Variants in DGKI observed in about 807,000 individuals in gnomAD.
DGKI encodes the protein DAG kinase iota.
DGKI carries 55 observed loss-of-function variants against 147.5 expected under a neutral mutation model. That is an observed-to-expected ratio of 0.37 (90% CI 0.30 to 0.47). DGKI has a LOEUF of 0.47. DGKI is among the 20% of genes least tolerant of loss of function. DGKI has a pLI of 1.00. For synonymous variants in DGKI, 469 were observed against 477.1 expected, an observed-to-expected ratio of 0.98 and a Z score of 0.22; for missense variants, 1,007 against 1,323.8, an observed-to-expected ratio of 0.76 and a Z score of 3.71.
intron 21 of DGKI, among the ~76,000 whole-genome samples, chr7:137,510,110 G>A (rs1816530073): frequency 6.6e-6 from 1 of 152,178 alleles, no homozygotes; most frequent in South Asian, 2.1e-4. Context: ...GAGCAAGTAT[G>A]GGCAGAAGGC....
intron 13 of DGKI, 63 bp downstream of exon 13, chr7:137,587,034 C>A (rs1282678616): frequency 2.5e-6 from 3 of 1,201,428 alleles, no homozygotes; most frequent in Non-Finnish European, 3.4e-6. Context: ...ATTAGAACAT[C>A]AGTGGATCTG....
chr7:137,469,208 T>C (rs1360154400), intron 24 of DGKI, among the ~76,000 whole-genome samples: 2 of 152,190 alleles, frequency 1.3e-5, no homozygotes, highest in African/African-American at 4.8e-5. Flanking sequence ...AGAAATTATA[T>C]CCATCCTATG....
At chr7:137,595,879 G>A (rs1352718474) in intron 12 of DGKI, among the ~76,000 whole-genome samples, 1 of 151,682 alleles carries the variant, frequency 6.6e-6, no homozygotes, top group Non-Finnish European at 1.5e-5. Flanking sequence ...GCACGTGCCT[G>A]TAGTCCCAAC....
chr7:137,643,812 TTTA>T (rs1209913890), intron 6 of DGKI, among the ~76,000 whole-genome samples: 2 of 152,230 alleles, frequency 1.3e-5, no homozygotes, highest in Non-Finnish European at 2.9e-5. Flanking sequence ...GTATAAAATG[TTTA>T]TTGATTTTCT....
At chr7:137,611,392 C>T (rs1337442020) in intron 8 of DGKI, among the ~76,000 whole-genome samples, 2 of 152,116 alleles carry the variant, frequency 1.3e-5, no homozygotes, top group Non-Finnish European at 2.9e-5. Context: ...TGGGGTAAAG[C>T]CCAGGCAAGG....
At chr7:137,549,075 C>T (rs568600012) in intron 20 of DGKI, among the ~76,000 whole-genome samples, 1 of 152,080 alleles carries the variant, frequency 6.6e-6, no homozygotes, top group East Asian at 1.9e-4. Context: ...CTGAGGGAAC[C>T]CCAGAGGCCA....
At chr7:137,594,928 G>A (rs1287438132) in intron 12 of DGKI, among the ~76,000 whole-genome samples, 1 of 152,166 alleles carries the variant, frequency 6.6e-6, no homozygotes, top group Non-Finnish European at 1.5e-5. Flanking sequence ...AACTACAGAT[G>A]TTACCACTGA....
intron 6 of DGKI, among the ~76,000 whole-genome samples, chr7:137,639,856 G>A (rs181693149): frequency 9.1e-4 from 139 of 152,154 alleles, no homozygotes; most frequent in African/African-American, 3.2e-3. Flanking sequence ...TTCTTTGGGG[G>A]TATAATTTAC....
intron 20 of DGKI, among the ~76,000 whole-genome samples, chr7:137,540,422 T>A (rs1289301947): frequency 6.6e-6 from 1 of 152,182 alleles, no homozygotes; most frequent in African/African-American, 2.4e-5. Context: ...ACAGACATGC[T>A]GGACTATGTA....
At chr7:137,451,726 T>C (rs949068674) in intron 27 of DGKI, among the ~76,000 whole-genome samples, 3 of 152,256 alleles carry the variant, frequency 2.0e-5, no homozygotes, top group Admixed American at 1.3e-4. Flanking sequence ...AGGTTTTAGA[T>C]ATGTGCATTT....
chr7:137,482,001 C>G lies in DGKI; in HGVS notation c.2373+3373G>C, dbSNP rs533211233. 2.0e-5 allele frequency among the ~76,000 whole-genome samples: 3 copies of G among 151,890 alleles called. No individual in the cohort carries two copies. In the South Asian group the frequency reaches 6.3e-4, roughly 32 times the overall value. On this transcript the variant is annotated intron_variant, in intron 23 of 32. Coordinates refer to ENST00000614521, the MANE Select transcript of DGKI (RefSeq NM_001321708.2). Reference sequence around the variant, plus strand: ...GTTCATGTTTCTTTTTCACCTATAACACTCCTTACTCCCACCGGGACAAAC... The same window carrying G: ...GTTCATGTTTCTTTTTCACCTATAAGACTCCTTACTCCCACCGGGACAAAC...
chr7:137,402,616 C>T (rs1021996558), intron 30 of DGKI, among the ~76,000 whole-genome samples: 1 of 152,126 alleles, frequency 6.6e-6, no homozygotes, highest in African/African-American at 2.4e-5. Context: ...AATTTGCTTC[C>T]CACACCAATG....
chr7:137,765,266 A>AT (rs147613240), intron 1 of DGKI, among the ~76,000 whole-genome samples: 7 of 152,090 alleles, frequency 4.6e-5, no homozygotes, highest in Non-Finnish European at 7.4e-5. Context: ...CTGCCAGTAG[A>AT]TTTTTTTCTC....
intron 1 of DGKI, among the ~76,000 whole-genome samples, chr7:137,815,241 G>A (rs1486787849): frequency 1.3e-5 from 2 of 152,088 alleles, no homozygotes; most frequent in African/African-American, 2.4e-5. Flanking sequence ...TGTGCCACCC[G>A]AGAGGAGGGA....
intron 19 of DGKI, among the ~76,000 whole-genome samples, chr7:137,553,562 A>AG (rs71177909): frequency 6.6e-6 from 1 of 151,128 alleles, no homozygotes; most frequent in African/African-American, 2.5e-5. Context: ...TAAAAAAAAA[A>AG]TGTATTTAGT....
chr7:137,451,554 T>C (rs1269343647), intron 27 of DGKI, among the ~76,000 whole-genome samples: 1 of 152,176 alleles, frequency 6.6e-6, no homozygotes, highest in Non-Finnish European at 1.5e-5. Context: ...AAAAGAGCAA[T>C]ACATAAAAGC....
intron 28 of DGKI, among the ~76,000 whole-genome samples, chr7:137,425,076 C>A (rs929923364): frequency 3.6e-4 from 55 of 152,292 alleles, no homozygotes; most frequent in African/African-American, 1.3e-3. Flanking sequence ...TGAGAATGGG[C>A]AGACTTCCTC....
At chr7:137,427,465 A>G (rs1195906063) in intron 28 of DGKI, among the ~76,000 whole-genome samples, 1 of 152,100 alleles carries the variant, frequency 6.6e-6, no homozygotes, top group Non-Finnish European at 1.5e-5. Context: ...TCCAAAATTG[A>G]CACCCTAACA....
At chr7:137,412,321 G>A in intron 28 of DGKI, 114 bp from the exon 29 acceptor site, 1 of 1,000,938 alleles carries the variant, frequency 1.0e-6, no homozygotes, top group Admixed American at 1.9e-5. Context: ...CAGGAATCAG[G>A]GAAGGAAAAT....
Sources: gnomAD v4.1 joint callset for allele counts (sites outside exome capture counted in the v4.1 genomes callset) on GRCh38, gnomAD v4.1.1 for gene constraint, MANE v1.5 for transcripts, NCBI Gene and HGNC (gene_info 2026-07-23, HGNC 2026-07-21) for gene names.